The following IL1RAPL1 variants were observed in gnomAD, a reference collection of about 807,000 sequenced individuals.
The protein encoded by IL1RAPL1 is interleukin 1 receptor accessory protein like 1, also known as interleukin-1 receptor accessory protein-like 1.
IL1RAPL1 carries 3 observed loss-of-function variants against 48.4 expected under a neutral mutation model. The observed-to-expected ratio is 0.06, with a 90% CI of 0.03 to 0.16. IL1RAPL1 has a LOEUF of 0.16. Ranked by LOEUF, IL1RAPL1 falls within the 10% of genes least tolerant of loss-of-function variation. The pLI, the probability that IL1RAPL1 is intolerant of heterozygous loss-of-function variation, is 1.00. For synonymous variants in IL1RAPL1, 185 were observed against 187.7 expected (o/e 0.99, Z 0.12); for missense variants, 349 against 530.6 (o/e 0.66, Z 3.36).
chrX:28,892,712 G>A (rs1384105077), intron 2 of IL1RAPL1, among the ~76,000 whole-genome samples: 1 of 110,954 alleles, frequency 9.0e-6, no homozygotes, highest in African/African-American at 3.3e-5. Context: ...TAGGGGCGGC[G>A]TGGGAACCTA....
chrX:28,926,793 T>C (rs1176043333), intron 2 of IL1RAPL1, among the ~76,000 whole-genome samples: 1 of 111,580 alleles, frequency 9.0e-6, no homozygotes, highest in African/African-American at 3.3e-5. Flanking sequence ...TTATGTCTTC[T>C]TTTTACTTCA....
intron 1 of IL1RAPL1, among the ~76,000 whole-genome samples, chrX:28,640,463 A>T (rs111468081): frequency 9.1e-6 from 1 of 109,779 alleles, no homozygotes; most frequent in African/African-American, 3.3e-5. Flanking sequence ...TTCCTGCCTC[A>T]GCCTCCTGAG....
At chrX:29,887,580 T>C (rs1932191274) in intron 6 of IL1RAPL1, among the ~76,000 whole-genome samples, 1 of 112,524 alleles carries the variant, frequency 8.9e-6, no homozygotes, top group Non-Finnish European at 1.9e-5. Context: ...TTTCAGGACT[T>C]CTCTGATGAG....
chrX:28,628,565 A>T (rs2146892006), intron 1 of IL1RAPL1, among the ~76,000 whole-genome samples: 1 of 112,435 alleles, frequency 8.9e-6, no homozygotes, highest in African/African-American at 3.2e-5. Context: ...CATGAGAATA[A>T]GAAATGCTGA....
chrX:28,879,881 G>A (rs768340544), intron 2 of IL1RAPL1, among the ~76,000 whole-genome samples: 8 of 111,801 alleles, frequency 7.2e-5, no homozygotes, highest in Non-Finnish European at 1.3e-4. Flanking sequence ...GATTGAATGA[G>A]AGACAGGAAT....
At chrX:28,876,754 GAA>G (rs4024039) in intron 2 of IL1RAPL1, among the ~76,000 whole-genome samples, 1 of 101,567 alleles carries the variant, frequency 9.8e-6, no homozygotes. Flanking sequence ...ATTCTTGCTG[GAA>G]AAAAAAAAAA....
At chrX:29,739,905 A>G (rs898065876) in intron 6 of IL1RAPL1, among the ~76,000 whole-genome samples, 1 of 109,311 alleles carries the variant, frequency 9.1e-6, no homozygotes, top group African/African-American at 3.3e-5. Context: ...CTAAAAATAC[A>G]AAAAATTAGC....
intron 3 of IL1RAPL1, among the ~76,000 whole-genome samples, chrX:29,308,298 G>A: frequency 9.0e-6 from 1 of 111,604 alleles, no homozygotes; most frequent in Non-Finnish European, 1.9e-5. Flanking sequence ...TTAGCCACCA[G>A]AGCCAGAGAA....
chrX:29,070,858 A>T (rs1377741934), intron 2 of IL1RAPL1, among the ~76,000 whole-genome samples: 2 of 111,848 alleles, frequency 1.8e-5, no homozygotes, highest in Non-Finnish European at 3.8e-5. Context: ...CATGAGGTTA[A>T]TAATAGCTTA....
intron 3 of IL1RAPL1, among the ~76,000 whole-genome samples, chrX:29,355,762 A>G (rs890434257): frequency 2.7e-5 from 3 of 112,258 alleles, no homozygotes; most frequent in Admixed American, 9.5e-5. Flanking sequence ...AATATTCAGT[A>G]TAGTACATCT....
At chrX:29,176,382 G>A (rs991112356) in intron 2 of IL1RAPL1, among the ~76,000 whole-genome samples, 17 of 107,296 alleles carry the variant, frequency 1.6e-4, no homozygotes, top group African/African-American at 5.8e-4. Context: ...TGGGTACTTC[G>A]CTTTTTTGAC....
intron 1 of IL1RAPL1, among the ~76,000 whole-genome samples, chrX:28,744,043 T>C (rs1442726854): frequency 9.0e-6 from 1 of 111,453 alleles, no homozygotes; most frequent in Non-Finnish European, 1.9e-5. Context: ...TTATCATTTA[T>C]ATTTTTGTTT....
chrX:29,194,255 T>A (rs1930402811), intron 2 of IL1RAPL1, among the ~76,000 whole-genome samples: 1 of 112,901 alleles, frequency 8.9e-6, no homozygotes, highest in Middle Eastern at 4.6e-3. Flanking sequence ...ATGCTTTGTT[T>A]TTTTCTCATG....
Position 28,793,949 on chromosome X carries a change from TCTTAATGA to T in IL1RAPL1, c.82+4543_82+4550del, listed in dbSNP as rs772008013. Among the ~76,000 whole-genome samples the T allele has an allele frequency of 1.8e-3, 196 of 111,679 alleles. 2 individuals are homozygous for T. Among genetic ancestry groups the T allele is most frequent in the East Asian group, 5.9e-3 (21 of 3,541 alleles). The stretch of plus-strand genomic sequence containing the variant: ...TTCAGAGTCAGGGTTCAAGGAAATG[TCTTAATGA>T]CTTAATGACTTAATGACTGCATGAA... On this transcript the variant is annotated intron_variant, in intron 2 of 10. Coordinates refer to ENST00000378993, the MANE Select transcript of IL1RAPL1 (RefSeq NM_014271.4).
At chrX:29,500,599 A>T (rs963691509) in intron 5 of IL1RAPL1, among the ~76,000 whole-genome samples, 3 of 112,077 alleles carry the variant, frequency 2.7e-5, no homozygotes, top group African/African-American at 9.7e-5. Context: ...AAAATGATTT[A>T]ATTATTTTTT....
At chrX:29,643,024 A>T (rs1039701064) in intron 5 of IL1RAPL1, among the ~76,000 whole-genome samples, 1 of 112,613 alleles carries the variant, frequency 8.9e-6, no homozygotes, top group Non-Finnish European at 1.9e-5. Context: ...TGGTACCAGC[A>T]GGCAGAAATT....
At chrX:29,462,458 T>C (rs1934814005) in intron 5 of IL1RAPL1, among the ~76,000 whole-genome samples, 1 of 111,639 alleles carries the variant, frequency 9.0e-6, no homozygotes, top group South Asian at 3.8e-4. Flanking sequence ...TTTAATCTTA[T>C]GATCCTCCTG....
intron 3 of IL1RAPL1, among the ~76,000 whole-genome samples, chrX:29,323,093 A>T (rs938106766): frequency 3.6e-5 from 4 of 112,148 alleles, no homozygotes; most frequent in African/African-American, 1.3e-4. Flanking sequence ...CTCATCGTCC[A>T]CTTAAGAGAT....
intron 6 of IL1RAPL1, among the ~76,000 whole-genome samples, chrX:29,799,006 T>A (rs895831329): frequency 8.9e-6 from 1 of 112,026 alleles, no homozygotes; most frequent in Non-Finnish European, 1.9e-5. Flanking sequence ...TATTTGCTTT[T>A]TTAGTTGTTG....
Sources: allele counts gnomAD v4.1 joint callset (sites outside exome capture counted in the v4.1 genomes callset), GRCh38; gene constraint gnomAD v4.1.1; transcripts MANE v1.5; gene names NCBI Gene and HGNC (gene_info 2026-07-23, HGNC 2026-07-21).